SUSD1: variants seen among roughly 807,000 people sequenced by gnomAD.
The protein encoded by SUSD1 is sushi domain containing 1, also known as sushi domain-containing protein 1.
SUSD1 carries 65 observed loss-of-function variants against 86.9 expected under a neutral mutation model. That is an observed-to-expected ratio of 0.75 (90% CI 0.61 to 0.92). The LOEUF is 0.92. Ranked by LOEUF, SUSD1 falls within the 40% of genes least tolerant of loss-of-function variation. The pLI, the probability that SUSD1 is intolerant of heterozygous loss-of-function variation, is 0.00. For synonymous variants in SUSD1, 346 were observed against 350.0 expected, an observed-to-expected ratio of 0.99 and a Z score of 0.13; for missense variants, 850 against 929.7, an observed-to-expected ratio of 0.91 and a Z score of 1.11.
At chr9:112,080,549 G>A (rs548423182) in intron 10 of SUSD1, among the ~76,000 whole-genome samples, 51 of 152,160 alleles carry the variant, frequency 3.4e-4, no homozygotes, top group African/African-American at 1.2e-3. Flanking sequence ...CTAGCTGGGC[G>A]TGGTGGTGTG....
At chr9:112,077,284 G>A (rs1829558416) in intron 12 of SUSD1, among the ~76,000 whole-genome samples, 1 of 151,966 alleles carries the variant, frequency 6.6e-6, no homozygotes, top group African/African-American at 2.4e-5. Context: ...GATGCAAGGA[G>A]GAACGGCAGG....
intron 15 of SUSD1, among the ~76,000 whole-genome samples, chr9:112,042,680 C>T (rs1161547209): frequency 6.6e-6 from 1 of 152,212 alleles, no homozygotes; most frequent in Admixed American, 6.5e-5. Flanking sequence ...TTACTTAGCA[C>T]TTACTATGTG....
intron 12 of SUSD1, among the ~76,000 whole-genome samples, chr9:112,072,186 T>C (rs1829314051): frequency 6.8e-6 from 1 of 147,250 alleles, no homozygotes; most frequent in Admixed American, 6.9e-5. Context: ...AGTCTCACTC[T>C]GTTGTCTAGG....
intron 5 of SUSD1, among the ~76,000 whole-genome samples, chr9:112,128,069 CTTTT>C (rs1554768122): frequency 6.6e-6 from 1 of 151,440 alleles, no homozygotes; most frequent in African/African-American, 2.4e-5. Context: ...TTCAAAAAAA[CTTTT>C]TTTGTTTGTT....
At chr9:112,082,323 C>T (rs1397684975) in intron 10 of SUSD1, among the ~76,000 whole-genome samples, 1 of 152,202 alleles carries the variant, frequency 6.6e-6, no homozygotes, top group East Asian at 1.9e-4. Flanking sequence ...TGTCTACATC[C>T]TAGTCCCTGG....
chr9:112,171,665 G>GC (rs745912679), intron 1 of SUSD1, among the ~76,000 whole-genome samples: 1 of 151,250 alleles, frequency 6.6e-6, no homozygotes, highest in African/African-American at 2.4e-5. Flanking sequence ...CTTCTTCCTC[G>GC]CCCCCCACTT....
At chr9:112,117,094 C>T (rs549741934) in intron 6 of SUSD1, among the ~76,000 whole-genome samples, 14 of 152,156 alleles carry the variant, frequency 9.2e-5, no homozygotes, top group South Asian at 2.1e-4. Flanking sequence ...GAGCTGAGAT[C>T]GTGCCACTGC....
At chr9:112,062,524 G>A (rs1375593962) in intron 13 of SUSD1, among the ~76,000 whole-genome samples, 1 of 151,912 alleles carries the variant, frequency 6.6e-6, no homozygotes, top group East Asian at 1.9e-4. Flanking sequence ...GCAAAACCTC[G>A]TCTCAACTAA....
intron 12 of SUSD1, among the ~76,000 whole-genome samples, chr9:112,076,553 A>T (rs1829522542): frequency 6.6e-6 from 1 of 152,184 alleles, no homozygotes; most frequent in African/African-American, 2.4e-5. Context: ...GTTCCGTTTG[A>T]TTTGCGTATT....
intron 10 of SUSD1, among the ~76,000 whole-genome samples, chr9:112,086,588 TG>T (rs1829995908): frequency 7.2e-6 from 1 of 139,696 alleles, no homozygotes. Context: ...GAGAGAGATC[TG>T]GTGTATAGAC....
intron 10 of SUSD1, among the ~76,000 whole-genome samples, chr9:112,086,868 T>C (rs1830007607): frequency 6.6e-6 from 1 of 151,914 alleles, no homozygotes. Flanking sequence ...AGAAACTGCA[T>C]TTCACTCAGT....
chr9:112,120,761 C>T (rs1375754530), intron 6 of SUSD1, among the ~76,000 whole-genome samples: 2 of 152,210 alleles, frequency 1.3e-5, no homozygotes, highest in African/African-American at 4.8e-5. Flanking sequence ...CAAGCATCAG[C>T]TAATTAATAG....
intron 3 of SUSD1, among the ~76,000 whole-genome samples, chr9:112,146,918 G>T (rs1337365719): frequency 6.6e-6 from 1 of 152,190 alleles, no homozygotes; most frequent in Non-Finnish European, 1.5e-5. Flanking sequence ...ATACAGGCGT[G>T]AGTCACCATG....
rs2131598515 is a variant in SUSD1, at chr9:112,095,338, G to A, written c.1474+3132C>T. Among the ~76,000 whole-genome samples, 5 of 152,360 alleles carry A rather than the reference G, an allele frequency of 3.3e-5. No homozygotes were observed. The South Asian group carries it at 1.0e-3, about 32-fold the overall frequency. On this transcript the variant is annotated intron_variant, in intron 10 of 16. Coordinates refer to ENST00000374270, the MANE Select transcript of SUSD1 (RefSeq NM_022486.5). ...TTAAATGGAAGGGTAAAGGCTTAGAGCTGAGCAGGACCTGCTAAGTAAGAA... is the reference window on the plus strand; with the variant it reads ...TTAAATGGAAGGGTAAAGGCTTAGAACTGAGCAGGACCTGCTAAGTAAGAA...
intron 8 of SUSD1, among the ~76,000 whole-genome samples, chr9:112,110,606 G>A (rs889433097): frequency 4.0e-5 from 6 of 151,224 alleles, no homozygotes; most frequent in Admixed American, 3.3e-4. Context: ...TGTTGCTCAG[G>A]TTGACCTCAA....
intron 1 of SUSD1, among the ~76,000 whole-genome samples, chr9:112,162,551 C>T (rs1183641481): frequency 2.6e-5 from 4 of 152,144 alleles, no homozygotes; most frequent in Non-Finnish European, 5.9e-5. Flanking sequence ...ACACTGAAGT[C>T]ACATATAAAT....
At chr9:112,119,397 G>A (rs1260732865) in intron 6 of SUSD1, among the ~76,000 whole-genome samples, 1 of 152,132 alleles carries the variant, frequency 6.6e-6, no homozygotes, top group East Asian at 1.9e-4. Context: ...GCACCCAGTG[G>A]GCTGGAGAAG....
intron 1 of SUSD1, among the ~76,000 whole-genome samples, chr9:112,166,295 A>C (rs1359597479): frequency 1.3e-5 from 2 of 152,188 alleles, no homozygotes; most frequent in Non-Finnish European, 2.9e-5. Flanking sequence ...GGAGTGACTA[A>C]CTCATGCTAG....
At chr9:112,084,594 C>T (rs1829899682) in intron 10 of SUSD1, among the ~76,000 whole-genome samples, 1 of 152,158 alleles carries the variant, frequency 6.6e-6, no homozygotes, top group Non-Finnish European at 1.5e-5. Flanking sequence ...TCGCTTCCCT[C>T]CATTCAAGTG....
Sources: gnomAD v4.1 joint callset for allele counts (sites outside exome capture counted in the v4.1 genomes callset) on GRCh38, gnomAD v4.1.1 for gene constraint, MANE v1.5 for transcripts, NCBI Gene and HGNC (gene_info 2026-07-23, HGNC 2026-07-21) for gene names.